The following LARP1 variants were observed in gnomAD, a reference collection of about 807,000 sequenced individuals.
LARP1 encodes the protein La ribonucleoprotein 1, translational regulator.
Under a neutral mutation model 122.7 loss-of-function variants are expected in LARP1, and 36 were observed. The observed-to-expected ratio is 0.29, with a 90% CI of 0.22 to 0.39. LARP1 has a LOEUF of 0.39. LARP1 is among the 10% of genes least tolerant of loss of function. The pLI is 1.00. For synonymous variants in LARP1, 539 were observed against 528.7 expected, an observed-to-expected ratio of 1.02 and a Z score of -0.27; for missense variants, 1,040 against 1,403.6, an observed-to-expected ratio of 0.74 and a Z score of 4.14.
In LARP1 at chr5:154,794,040, G is replaced by A. The variant is rs373207983; in HGVS notation, c.1069+40G>A. On this transcript the variant is annotated intron_variant, in intron 6 of 18. Coordinates refer to ENST00000518297, the MANE Select transcript of LARP1 (RefSeq NM_033551.3). The stretch of plus-strand genomic sequence containing the variant: ...TTTGGGCTCCGGGATGTCCAAGGGT[G>A]TGCAGCAGGGGTGGTGGGCAGGAAT... 1.2e-5 allele frequency: 19 copies of A among 1,610,552 alleles called. No individual in the cohort carries two copies. In the African/African-American group the frequency reaches 2.1e-4, roughly 18 times the overall value.
intron 8 of LARP1, among the ~76,000 whole-genome samples, chr5:154,797,521 C>T (rs1487651195): frequency 1.3e-5 from 2 of 151,972 alleles, no homozygotes; most frequent in East Asian, 3.9e-4. Context: ...GCATGAGCTA[C>T]CGCGCCCGGC....
At chr5:154,736,722 C>T (rs189369190) in intron 1 of LARP1, among the ~76,000 whole-genome samples, 2 of 151,652 alleles carry the variant, frequency 1.3e-5, no homozygotes, top group African/African-American at 2.4e-5. Context: ...TGTGCCATCA[C>T]GTCTGGCTAA....
At chr5:154,798,089 A>G (rs1758035851) in intron 8 of LARP1, among the ~76,000 whole-genome samples, 1 of 151,694 alleles carries the variant, frequency 6.6e-6, no homozygotes, top group Admixed American at 6.6e-5. Flanking sequence ...ATTTAAATTG[A>G]TATATATATT....
intron 1 of LARP1, among the ~76,000 whole-genome samples, chr5:154,760,337 G>C (rs1438443892): frequency 1.3e-5 from 2 of 152,104 alleles, no homozygotes; most frequent in Non-Finnish European, 2.9e-5. Flanking sequence ...TGTAAAATCA[G>C]GGTATTAGAC....
At chr5:154,790,415 G>GT in intron 2 of LARP1, 29 bp downstream of exon 2, 2 of 1,601,294 alleles carry the variant, frequency 1.2e-6, no homozygotes, top group South Asian at 2.2e-5. Flanking sequence ...CAACCCAAGG[G>GT]GACTTTCTGG....
At chr5:154,685,981 T>A in intron 1 of LARP1, 1 of 471,614 alleles carries the variant, frequency 2.1e-6, no homozygotes. Flanking sequence ...TAAACTTTCT[T>A]AACCCCATAA....
At chr5:154,785,485 T>C (rs1756808194) in intron 1 of LARP1, among the ~76,000 whole-genome samples, 1 of 152,214 alleles carries the variant, frequency 6.6e-6, no homozygotes, top group Non-Finnish European at 1.5e-5. Context: ...TATTGTGTGC[T>C]AGGTACTCTT....
At chr5:154,734,230 C>A (rs1013109937) in intron 1 of LARP1, among the ~76,000 whole-genome samples, 5 of 151,406 alleles carry the variant, frequency 3.3e-5, no homozygotes, top group African/African-American at 1.2e-4. Flanking sequence ...ATGACGAGCA[C>A]AAGTATCTTG....
chr5:154,776,455 G>A (rs1207561935), intron 1 of LARP1, among the ~76,000 whole-genome samples: 2 of 152,192 alleles, frequency 1.3e-5, no homozygotes, highest in Non-Finnish European at 2.9e-5. Context: ...TCTGGCTGCT[G>A]TTTGTGTGTG....
intron 8 of LARP1, among the ~76,000 whole-genome samples, chr5:154,797,757 T>C (rs1169088169): frequency 1.3e-5 from 2 of 151,766 alleles, no homozygotes; most frequent in Non-Finnish European, 2.9e-5. Context: ...GGTGTGATCA[T>C]GGCTTACTGC....
chr5:154,757,351 A>G (rs1754045959), intron 1 of LARP1: 1 of 151,632 alleles, frequency 6.6e-6, no homozygotes, highest in Admixed American at 6.6e-5. Flanking sequence ...GCGGTGCAGA[A>G]TATGGAGTCT....
intron 1 of LARP1, chr5:154,757,106 A>AGTGTGC (rs1754011081): frequency 6.8e-6 from 1 of 147,572 alleles, no homozygotes; most frequent in South Asian, 2.1e-4. Context: ...GCGCGGCCCG[A>AGTGTGC]GTGTGCGTGT....
At position 154,690,377 on chromosome 5, in the gene LARP1, A is replaced by AAT. The variant is rs561612636; in HGVS notation, c.-180+7342_-180+7343dup. ...CAACCCTACTGACTCCCGGGCTAAT[A>AAT]ATAATAACTGGCCTTTGTCGTGCGG... is the stretch of plus-strand genomic sequence containing the variant. On this transcript the variant is annotated intron_variant, in intron 1 of 18. Coordinates refer to the LARP1 transcript ENST00000687700. 3.1e-3 allele frequency among the ~76,000 whole-genome samples: 466 copies of AAT among 152,278 alleles called. 3 individuals are homozygous for AAT. The highest frequency in any genetic ancestry group is 2.2e-3 in the Non-Finnish European group (150 of 68,020).
At chr5:154,687,801 T>C (rs979894696) in intron 1 of LARP1, among the ~76,000 whole-genome samples, 2 of 152,020 alleles carry the variant, frequency 1.3e-5, no homozygotes, top group African/African-American at 4.8e-5. Context: ...AGAACCTGTC[T>C]CAACAAAAAA....
At position 154,811,116 on chromosome 5, in the gene LARP1, G is replaced by A. The variant is rs149197349; in HGVS notation, c.2844-131G>A. 3.9e-4 allele frequency: 257 copies of A among 661,302 alleles called. 1 individual carries two copies. The East Asian group carries it at 6.0e-3, about 15-fold the overall frequency. The allele number at this position is 661,302 out of a possible 1,614,324, so 41.0% of individuals were successfully genotyped here. ...CCACTTAGACTAGCATTCTAAAAGC[G>A]TGTATGCTGTTTTTTCAATACAGAA... On this transcript the variant is annotated intron_variant, in intron 16 of 18. Transcript: ENST00000518297.
At position 154,755,597 on chromosome 5, in the gene LARP1, A is replaced by T; in HGVS notation, c.-161A>T. On this transcript the variant is annotated 5_prime_UTR_variant, in exon 1 of 19. Coordinates refer to ENST00000518297, the MANE Select transcript of LARP1 (RefSeq NM_033551.3). ...CTCGGATTTACGGCGGCTGCATCTA[A>T]CTGGGAGGGGGCCGCACCTCGCGTG... 1 of 987,162 alleles carries T rather than the reference A, an allele frequency of 1.0e-6. No homozygotes were observed. The highest frequency in any genetic ancestry group is 1.2e-6 in the Non-Finnish European group (1 of 830,098). 61.2% of individuals were successfully genotyped at this position (987,162 alleles called of 1,614,324 possible).
At chr5:154,754,973 C>T (rs964573573), upstream of LARP1, among the ~76,000 whole-genome samples, 5 of 152,168 alleles carry the variant, frequency 3.3e-5, no homozygotes, top group Non-Finnish European at 5.9e-5. Flanking sequence ...GCCGCGTGGC[C>T]GGGTCCCATG....
intron 1 of LARP1, among the ~76,000 whole-genome samples, chr5:154,780,550 T>C (rs1756340716): frequency 6.6e-6 from 1 of 152,212 alleles, no homozygotes; most frequent in Non-Finnish European, 1.5e-5. Flanking sequence ...AAGAACTTGA[T>C]GTTCCAGTGC....
exon 1 of LARP1, chr5:154,712,856 G>T (rs1755284056): frequency 7.2e-7 from 1 of 1,385,930 alleles, no homozygotes; most frequent in African/African-American, 1.4e-5. Context: ...AGAGCCAGGA[G>T]GCAGCTGTGC....
Sources: gnomAD v4.1 joint callset for allele counts (sites outside exome capture counted in the v4.1 genomes callset) on GRCh38, gnomAD v4.1.1 for gene constraint, MANE v1.5 for transcripts, NCBI Gene and HGNC (gene_info 2026-07-23, HGNC 2026-07-21) for gene names.